SLC24A2: variants seen among roughly 807,000 people sequenced by gnomAD.
The protein encoded by SLC24A2 is sodium/potassium/calcium exchanger 2.
Under a neutral mutation model 62.0 loss-of-function variants are expected in SLC24A2, and 36 were observed. The observed-to-expected ratio is 0.58, with a 90% CI of 0.44 to 0.77. The LOEUF (loss-of-function observed/expected upper bound fraction) is 0.77. Among genes scored for constraint, SLC24A2 ranks in the 30% least tolerant of loss-of-function variants. The pLI is 0.00. For missense variants in SLC24A2, 846 were observed against 817.9 expected (o/e 1.03, Z -0.42); for synonymous variants, 358 against 294.0 (o/e 1.22, Z -2.23).
chr9:19,705,184 T>A (rs1302342878), intron 2 of SLC24A2, among the ~76,000 whole-genome samples: 1 of 152,220 alleles, frequency 6.6e-6, no homozygotes, highest in African/African-American at 2.4e-5. Context: ...TAAGTTAAGA[T>A]GATTAAATGA....
the SLC24A2 span, among the ~76,000 whole-genome samples, chr9:19,915,186 G>A: frequency 6.6e-6 from 1 of 152,078 alleles, no homozygotes; most frequent in Non-Finnish European, 1.5e-5. Flanking sequence ...TATATAATAT[G>A]TGACCCTTTT....
intron 2 of SLC24A2, among the ~76,000 whole-genome samples, chr9:19,682,965 G>T (rs1819765328): frequency 6.6e-6 from 1 of 152,054 alleles, no homozygotes; most frequent in Admixed American, 6.6e-5. Flanking sequence ...GAAAGCAGCT[G>T]TTTCAAAAAA....
At chr9:20,153,405 A>G in the SLC24A2 span, among the ~76,000 whole-genome samples, 1 of 151,920 alleles carries the variant, frequency 6.6e-6, no homozygotes, top group Non-Finnish European at 1.5e-5. Flanking sequence ...AGAAAAAAGA[A>G]CACCTGCTTT....
At chr9:19,654,606 A>T (rs1818891989) in intron 2 of SLC24A2, among the ~76,000 whole-genome samples, 1 of 152,166 alleles carries the variant, frequency 6.6e-6, no homozygotes, top group African/African-American at 2.4e-5. Context: ...ATGTTGTTCT[A>T]ACATTTGTCC....
the SLC24A2 span, among the ~76,000 whole-genome samples, chr9:20,183,759 C>T: frequency 1.3e-5 from 2 of 152,156 alleles, no homozygotes; most frequent in Non-Finnish European, 2.9e-5. Context: ...CAGGACTGAT[C>T]TTGAGAGCTA....
the SLC24A2 span, among the ~76,000 whole-genome samples, chr9:20,275,950 A>G: frequency 6.6e-6 from 1 of 152,086 alleles, no homozygotes; most frequent in Admixed American, 6.5e-5. Flanking sequence ...CACCCCCATG[A>G]TACAATTACC....
chr9:19,853,555 A>G, the SLC24A2 span, among the ~76,000 whole-genome samples: 4 of 152,222 alleles, frequency 2.6e-5, no homozygotes, highest in South Asian at 2.1e-4. Context: ...TTCTGCATCT[A>G]TTGAGATAAT....
chr9:19,972,603 G>A, the SLC24A2 span, among the ~76,000 whole-genome samples: 1 of 152,116 alleles, frequency 6.6e-6, no homozygotes, highest in Admixed American at 6.6e-5. Flanking sequence ...GAAATTAAAA[G>A]TGGCTGTTTA....
At chr9:19,934,962 G>C in the SLC24A2 span, among the ~76,000 whole-genome samples, 2 of 152,214 alleles carry the variant, frequency 1.3e-5, no homozygotes, top group East Asian at 1.9e-4. This position sits in a 1 kb window ranked among gnomAD's most constrained non-coding sequence, Gnocchi z 4.1. Context: ...GGCGCCTCTG[G>C]AACTTTGTTT....
At chr9:20,211,656 T>C in the SLC24A2 span, among the ~76,000 whole-genome samples, 1 of 152,306 alleles carries the variant, frequency 6.6e-6, no homozygotes, top group Admixed American at 6.5e-5. Flanking sequence ...ACATTATTCT[T>C]AAAAGATTAG....
At chr9:20,141,727 C>G in the SLC24A2 span, among the ~76,000 whole-genome samples, 1 of 152,000 alleles carries the variant, frequency 6.6e-6, no homozygotes, top group African/African-American at 2.4e-5. Flanking sequence ...TATGCTCACT[C>G]AAGCCCTTCC....
chr9:19,688,953 C>G lies in SLC24A2; in HGVS notation c.931-66654G>C, dbSNP rs369629087. 3.9e-5 allele frequency among the ~76,000 whole-genome samples: 6 copies of G among 152,210 alleles called. No individual in the cohort carries two copies. The South Asian group carries it at 1.2e-3, about 32-fold the overall frequency. On this transcript the variant is annotated intron_variant, in intron 2 of 10. Coordinates refer to ENST00000341998, the MANE Select transcript of SLC24A2 (RefSeq NM_020344.4). ...GTCCAAATTTTACCCAAACATGAAA[C>G]TTTAGATTCTATGAAACAGATTAAT...
chr9:19,653,952 C>T (rs940814383), intron 2 of SLC24A2, among the ~76,000 whole-genome samples: 13 of 152,128 alleles, frequency 8.5e-5, no homozygotes, highest in African/African-American at 2.2e-4. Flanking sequence ...AATTTACATA[C>T]GAGTCACTCA....
At chr9:19,760,831 C>T (rs112665242) in intron 2 of SLC24A2, among the ~76,000 whole-genome samples, 64 of 148,518 alleles carry the variant, frequency 4.3e-4, no homozygotes, top group African/African-American at 1.5e-3. Flanking sequence ...CCAAACACCA[C>T]ATGTTCTCAC....
At chr9:20,189,051 A>AT in the SLC24A2 span, among the ~76,000 whole-genome samples, 1 of 150,692 alleles carries the variant, frequency 6.6e-6, no homozygotes, top group Non-Finnish European at 1.5e-5. Context: ...ACTGCCAGAA[A>AT]TTAGGGTGGC....
chr9:19,626,588 A>G (rs1262098293), intron 2 of SLC24A2, among the ~76,000 whole-genome samples: 4 of 152,222 alleles, frequency 2.6e-5, no homozygotes, highest in Non-Finnish European at 4.4e-5. Context: ...TAAAGTCTAT[A>G]GAAATAAACT....
chr9:19,540,559 T>G (rs982474050), intron 8 of SLC24A2, among the ~76,000 whole-genome samples: 8 of 148,934 alleles, frequency 5.4e-5, no homozygotes, highest in African/African-American at 1.8e-4. Context: ...CTTGTAGGGT[T>G]TCTGCCGAGA....
At chr9:19,621,100 G>A (rs1484984242) in intron 3 of SLC24A2, among the ~76,000 whole-genome samples, 1 of 152,230 alleles carries the variant, frequency 6.6e-6, no homozygotes, top group Non-Finnish European at 1.5e-5. Flanking sequence ...CTTGGGCAGT[G>A]TTTCCAAACT....
chr9:20,252,587 T>G, the SLC24A2 span, among the ~76,000 whole-genome samples: 3 of 152,206 alleles, frequency 2.0e-5, no homozygotes, highest in Non-Finnish European at 4.4e-5. Flanking sequence ...AACAACATTA[T>G]GAAACATTAG....
Sources: gnomAD v4.1 joint callset for allele counts (sites outside exome capture counted in the v4.1 genomes callset) on GRCh38, gnomAD v4.1.1 for gene constraint, Gnocchi (gnomAD v3.1) non-coding constraint, MANE v1.5 for transcripts, NCBI Gene and HGNC (gene_info 2026-07-23, HGNC 2026-07-21) for gene names.